MECOM: variants seen among roughly 807,000 people sequenced by gnomAD.
MECOM encodes MDS1 and EVI1 complex locus.
In MECOM, 13 loss-of-function variants were observed where a neutral mutation model predicts 116.3. The ratio of observed to expected loss-of-function variants is 0.11; its 90% CI spans 0.07 to 0.18. The LOEUF (loss-of-function observed/expected upper bound fraction) is 0.18, where lower values mean the gene tolerates loss of function less well. Ranked by LOEUF, MECOM falls within the 10% of genes least tolerant of loss-of-function variation. The pLI is 1.00. For missense variants in MECOM, 1,299 were observed against 1,509.0 expected (o/e 0.86, Z 2.31); for synonymous variants, 528 against 535.2 (o/e 0.99, Z 0.19).
In MECOM at chr3:169,302,636, C is replaced by T. The variant is rs538388139; in HGVS notation, c.375+78551G>A. Among the ~76,000 whole-genome samples, 12 of 151,872 alleles carry T rather than the reference C, an allele frequency of 7.9e-5. No individual in the cohort carries two copies. In the South Asian group the frequency reaches 1.7e-3, roughly 21 times the overall value. On this transcript the variant is annotated intron_variant, in intron 2 of 16. Coordinates refer to ENST00000651503, the MANE Select transcript of MECOM (RefSeq NM_004991.4). ...TCCCAGCACTTTGGGAGGCCGAGGC[C>T]GGTGGATCACTGAGGTCATGAGTTC... is the stretch of plus-strand genomic sequence containing the variant.
intron 2 of MECOM, among the ~76,000 whole-genome samples, chr3:169,168,543 G>T (rs1346375641): frequency 2.6e-5 from 4 of 151,922 alleles, no homozygotes; most frequent in African/African-American, 9.7e-5. Flanking sequence ...TTAGTTATGG[G>T]CAAATCAAAA....
At chr3:169,168,616 T>A (rs1179844009) in intron 2 of MECOM, among the ~76,000 whole-genome samples, 1 of 152,118 alleles carries the variant, frequency 6.6e-6, no homozygotes, top group Non-Finnish European at 1.5e-5. Context: ...GTAATCTTTT[T>A]TTAAAAAAGA....
At position 169,463,172 on chromosome 3, in the gene MECOM, T is replaced by C. The variant is rs182847985; in HGVS notation, c.38-81648A>G. 3.7e-3 allele frequency among the ~76,000 whole-genome samples: 560 copies of C among 152,180 alleles called. 5 individuals carry two copies. Among genetic ancestry groups the C allele is most frequent in the South Asian group, 5.8e-3 (28 of 4,814 alleles). ...ACAATGCAAGTTAAGTATAAGGAAATGGACTCCCTTTCCCAGGCACCGGGC... is the reference window on the plus strand; with the variant it reads ...ACAATGCAAGTTAAGTATAAGGAAACGGACTCCCTTTCCCAGGCACCGGGC... On this transcript the variant is annotated intron_variant, in intron 1 of 16. Transcript: ENST00000651503.
At chr3:169,371,577 G>C (rs1012065077) in intron 2 of MECOM, among the ~76,000 whole-genome samples, 1 of 151,342 alleles carries the variant, frequency 6.6e-6, no homozygotes, top group Non-Finnish European at 1.5e-5. Context: ...ATCTTAATTA[G>C]CTTGATTGTG....
At chr3:169,452,543 A>C (rs1250958918) in intron 1 of MECOM, among the ~76,000 whole-genome samples, 1 of 152,196 alleles carries the variant, frequency 6.6e-6, no homozygotes, top group Non-Finnish European at 1.5e-5. Context: ...CTCAGCATCT[A>C]CCACGTAAAG....
chr3:169,637,126 G>A (rs1432468060), intron 1 of MECOM, among the ~76,000 whole-genome samples: 1 of 152,250 alleles, frequency 6.6e-6, no homozygotes, highest in Admixed American at 6.5e-5. Flanking sequence ...CAGCCACTGT[G>A]CTGTTAGAAG....
chr3:169,294,993 TTA>T (rs1160721291), intron 2 of MECOM, among the ~76,000 whole-genome samples: 32 of 152,316 alleles, frequency 2.1e-4, no homozygotes, highest in Non-Finnish European at 4.4e-4. Flanking sequence ...CTCTAGAAGA[TTA>T]TCTTTTCTAT....
At chr3:169,228,923 A>G (rs942682555) in intron 2 of MECOM, among the ~76,000 whole-genome samples, 29 of 152,218 alleles carry the variant, frequency 1.9e-4, no homozygotes, top group African/African-American at 6.3e-4. Context: ...GTATGCACTG[A>G]TATTTTGGCT....
intron 1 of MECOM, among the ~76,000 whole-genome samples, chr3:169,451,044 G>A (rs78110722): frequency 0.03 from 4,610 of 152,102 alleles, 172 homozygotes; most frequent in African/African-American, 0.084. Flanking sequence ...TTCCAATCTA[G>A]ATCTTTGTTA....
chr3:169,254,223 T>C (rs1452227889), intron 2 of MECOM, among the ~76,000 whole-genome samples: 1 of 152,106 alleles, frequency 6.6e-6, no homozygotes, highest in Non-Finnish European at 1.5e-5. Context: ...ATCTATGTCG[T>C]AGGGAGTCAG....
chr3:169,090,818 C>G (rs1371158531), intron 14 of MECOM, among the ~76,000 whole-genome samples: 1 of 151,724 alleles, frequency 6.6e-6, no homozygotes, highest in African/African-American at 2.4e-5. Context: ...CTTATTTGTA[C>G]TATTTTCAAA....
chr3:169,309,113 A>C (rs1280417685), intron 2 of MECOM, among the ~76,000 whole-genome samples: 2 of 152,194 alleles, frequency 1.3e-5, no homozygotes, highest in African/African-American at 4.8e-5. Context: ...AATGAAGACT[A>C]CCAAAGGAAT....
intron 2 of MECOM, among the ~76,000 whole-genome samples, chr3:169,240,634 G>A (rs541651255): frequency 6.6e-5 from 10 of 152,228 alleles, no homozygotes; most frequent in Non-Finnish European, 1.2e-4. Flanking sequence ...GAAGTATACA[G>A]TTTCCTAAGT....
At chr3:169,092,743 T>G (rs1720148382) in intron 14 of MECOM, among the ~76,000 whole-genome samples, 1 of 152,160 alleles carries the variant, frequency 6.6e-6, no homozygotes, top group Non-Finnish European at 1.5e-5. Context: ...GCTAAAATTA[T>G]AGTGGCTATC....
intron 1 of MECOM, among the ~76,000 whole-genome samples, chr3:169,618,484 C>A (rs1002613462): frequency 6.6e-6 from 1 of 151,974 alleles, no homozygotes; most frequent in Non-Finnish European, 1.5e-5. Context: ...GGTGAAACCC[C>A]GTCTCTACTA....
At chr3:169,483,367 A>G (rs1439720216) in intron 1 of MECOM, among the ~76,000 whole-genome samples, 1 of 150,430 alleles carries the variant, frequency 6.6e-6, no homozygotes, top group Non-Finnish European at 1.5e-5. Flanking sequence ...CACACTTTTT[A>G]AAATCAAACA....
chr3:169,314,107 T>G (rs1719303221), intron 2 of MECOM, among the ~76,000 whole-genome samples: 1 of 152,238 alleles, frequency 6.6e-6, no homozygotes, highest in African/African-American at 2.4e-5. Context: ...TACACTTTGC[T>G]AGAACATCCA....
At chr3:169,203,433 C>G (rs537534246) in intron 2 of MECOM, among the ~76,000 whole-genome samples, 1 of 152,014 alleles carries the variant, frequency 6.6e-6, no homozygotes, top group African/African-American at 2.4e-5. Flanking sequence ...CTTACTTTCA[C>G]CATTTAAAAA....
chr3:169,174,660 G>A (rs535406986), intron 2 of MECOM, among the ~76,000 whole-genome samples: 1 of 152,286 alleles, frequency 6.6e-6, no homozygotes, highest in African/African-American at 2.4e-5. Flanking sequence ...CACACTCTAA[G>A]ATATTGGATC....
Sources: gnomAD v4.1 joint callset for allele counts (sites outside exome capture counted in the v4.1 genomes callset) on GRCh38, gnomAD v4.1.1 for gene constraint, MANE v1.5 for transcripts, NCBI Gene and HGNC (gene_info 2026-07-23, HGNC 2026-07-21) for gene names.